Variants in SEMA6D observed in about 807,000 individuals in gnomAD.
The protein encoded by SEMA6D is semaphorin-6D.
In SEMA6D, 35 loss-of-function variants were observed where a neutral mutation model predicts 106.6. That is an observed-to-expected ratio of 0.33 (90% CI 0.25 to 0.44). The LOEUF (loss-of-function observed/expected upper bound fraction) is 0.44. SEMA6D is among the 20% of genes least tolerant of loss of function. The pLI, the probability that SEMA6D is intolerant of heterozygous loss-of-function variation, is 1.00. For synonymous variants in SEMA6D, 499 were observed against 487.7 expected (o/e 1.02, Z -0.31); for missense variants, 1,185 against 1,345.9 (o/e 0.88, Z 1.87).
At chr15:47,403,611 T>G (rs2040466534) in intron 1 of SEMA6D, among the ~76,000 whole-genome samples, 1 of 152,184 alleles carries the variant, frequency 6.6e-6, no homozygotes, top group South Asian at 2.1e-4. Context: ...GGTACATTGG[T>G]GGCACAGAGG....
chr15:47,258,144 G>A (rs1181694873), intron 1 of SEMA6D, among the ~76,000 whole-genome samples: 1 of 152,066 alleles, frequency 6.6e-6, no homozygotes, highest in Non-Finnish European at 1.5e-5. Context: ...CTTAGGGTGG[G>A]AAATTTTAAA....
chr15:47,513,989 C>G (rs537026435), intron 3 of SEMA6D, among the ~76,000 whole-genome samples: 2 of 152,160 alleles, frequency 1.3e-5, no homozygotes, highest in Admixed American at 6.5e-5. Flanking sequence ...GATGCAGCTC[C>G]GCCATAGAAA....
intron 4 of SEMA6D, among the ~76,000 whole-genome samples, chr15:47,619,260 G>A (rs2077058854): frequency 6.6e-6 from 1 of 152,216 alleles, no homozygotes; most frequent in Non-Finnish European, 1.5e-5. Flanking sequence ...TTGTGTGTGT[G>A]TTGGTTGAGT....
chr15:47,314,006 G>A (rs1459509350), intron 1 of SEMA6D, among the ~76,000 whole-genome samples: 1 of 152,190 alleles, frequency 6.6e-6, no homozygotes, highest in African/African-American at 2.4e-5. Flanking sequence ...GGTTTGGTAA[G>A]AAACTGTCAA....
chr15:47,369,969 C>T (rs189610298), intron 1 of SEMA6D, among the ~76,000 whole-genome samples: 38 of 152,218 alleles, frequency 2.5e-4, no homozygotes, highest in Non-Finnish European at 5.9e-5. Flanking sequence ...TCTTATTATC[C>T]CCATTTTGCA....
At chr15:47,294,553 A>T (rs1463890609) in intron 1 of SEMA6D, among the ~76,000 whole-genome samples, 1 of 152,178 alleles carries the variant, frequency 6.6e-6, no homozygotes, top group Non-Finnish European at 1.5e-5. Context: ...AAGAAATAAA[A>T]TTTAAAATGT....
chr15:47,277,850 A>G (rs1333282770), intron 1 of SEMA6D, among the ~76,000 whole-genome samples: 1 of 147,424 alleles, frequency 6.8e-6, no homozygotes, highest in African/African-American at 2.5e-5. Flanking sequence ...CCTATGAGTG[A>G]GAATATGAGG....
intron 1 of SEMA6D, chr15:47,399,360 T>G (rs1174916641): frequency 1.3e-5 from 2 of 152,226 alleles, no homozygotes; most frequent in Non-Finnish European, 2.9e-5. Flanking sequence ...AACTTTCCAG[T>G]TCTCTTACCA....
At chr15:47,756,300 G>A (rs1176437315) in intron 1 of SEMA6D, among the ~76,000 whole-genome samples, 1 of 151,800 alleles carries the variant, frequency 6.6e-6, no homozygotes, top group South Asian at 2.1e-4. Context: ...AAACAGTTTA[G>A]CAAATAGTTG....
chr15:47,476,953 G>T (rs2043020322), intron 3 of SEMA6D, among the ~76,000 whole-genome samples: 1 of 152,144 alleles, frequency 6.6e-6, no homozygotes. Flanking sequence ...TCATGTAAAA[G>T]GATCATAGTG....
intron 1 of SEMA6D, among the ~76,000 whole-genome samples, chr15:47,239,504 C>T (rs573391567): frequency 2.0e-4 from 31 of 152,254 alleles, no homozygotes; most frequent in African/African-American, 7.5e-4. Flanking sequence ...TAATAGAAAT[C>T]CTACTTCCCA....
intron 3 of SEMA6D, among the ~76,000 whole-genome samples, chr15:47,477,454 A>G (rs1199839812): frequency 6.6e-6 from 1 of 152,174 alleles, no homozygotes; most frequent in Non-Finnish European, 1.5e-5. Flanking sequence ...AAAGATCAAG[A>G]ATGACCTGGA....
chr15:47,342,425 T>A (rs1191485010), intron 1 of SEMA6D, among the ~76,000 whole-genome samples: 1 of 152,222 alleles, frequency 6.6e-6, no homozygotes, highest in Non-Finnish European at 1.5e-5. Context: ...GTTCTGTAGT[T>A]TTCAAGAAAC....
chr15:47,578,792 C>A (rs1342151457), intron 3 of SEMA6D, among the ~76,000 whole-genome samples: 1 of 151,856 alleles, frequency 6.6e-6, no homozygotes, highest in East Asian at 1.9e-4. Context: ...TTTGATATAA[C>A]TAAATGATCT....
intron 1 of SEMA6D, among the ~76,000 whole-genome samples, chr15:47,327,655 G>T (rs2037184146): frequency 6.6e-6 from 1 of 152,150 alleles, no homozygotes; most frequent in African/African-American, 2.4e-5. Flanking sequence ...CCACAACAAA[G>T]AACATCTCAC....
chr15:47,591,365 C>T (rs936795893), intron 3 of SEMA6D, among the ~76,000 whole-genome samples: 1 of 152,096 alleles, frequency 6.6e-6, no homozygotes, highest in Non-Finnish European at 1.5e-5. Context: ...CCCAGTAGCA[C>T]AACTGAAGGC....
At chr15:47,297,163 G>T (rs1205972851) in intron 1 of SEMA6D, among the ~76,000 whole-genome samples, 1 of 152,162 alleles carries the variant, frequency 6.6e-6, no homozygotes, top group Non-Finnish European at 1.5e-5. Flanking sequence ...TGCCGAGTCA[G>T]ATTCTTTGAA....
chr15:47,614,974 A>G (rs2076979811), intron 4 of SEMA6D, among the ~76,000 whole-genome samples: 1 of 152,178 alleles, frequency 6.6e-6, no homozygotes. Flanking sequence ...TTTCCTCCAT[A>G]CATTCAACAG....
intron 4 of SEMA6D, among the ~76,000 whole-genome samples, chr15:47,699,164 T>C (rs1170339311): frequency 6.6e-6 from 1 of 152,194 alleles, no homozygotes; most frequent in Non-Finnish European, 1.5e-5. Flanking sequence ...TAAAGGCCTT[T>C]ATTTTACTTC....
Sources: gnomAD v4.1 joint callset for allele counts (sites outside exome capture counted in the v4.1 genomes callset) on GRCh38, gnomAD v4.1.1 for gene constraint, MANE v1.5 for transcripts, NCBI Gene and HGNC (gene_info 2026-07-23, HGNC 2026-07-21) for gene names.